PRELID2: variants seen among roughly 807,000 people sequenced by gnomAD.
PRELID2 encodes the protein PRELI domain-containing protein 2.
PRELID2 carries 25 observed loss-of-function variants against 28.4 expected under a neutral mutation model. The observed-to-expected ratio is 0.88, with a 90% CI of 0.64 to 1.23. PRELID2 has a LOEUF of 1.23. Ranked by LOEUF, PRELID2 falls within the 50% of genes most tolerant of loss-of-function variation. PRELID2 has a pLI of 0.00. For missense variants in PRELID2, 201 were observed against 214.4 expected, an observed-to-expected ratio of 0.94 and a Z score of 0.39; for synonymous variants, 76 against 71.6, an observed-to-expected ratio of 1.06 and a Z score of -0.31.
chr5:145,285,401 C>A, the PRELID2 span, among the ~76,000 whole-genome samples: 68 of 152,108 alleles, frequency 4.5e-4, no homozygotes, highest in African/African-American at 1.6e-3. Flanking sequence ...TCCCCCGCTC[C>A]GCCCAGTTTC....
intron 1 of PRELID2, among the ~76,000 whole-genome samples, chr5:145,618,882 G>C (rs1388857570): frequency 6.6e-6 from 1 of 152,134 alleles, no homozygotes. Context: ...ATAGGCATGA[G>C]GTTCCCAGGT....
the PRELID2 span, among the ~76,000 whole-genome samples, chr5:145,461,954 T>C: frequency 6.6e-6 from 1 of 152,156 alleles, no homozygotes; most frequent in Admixed American, 6.6e-5. Flanking sequence ...AAAAATAAAC[T>C]TTGGTATGGA....
At chr5:145,275,359 T>C in the PRELID2 span, among the ~76,000 whole-genome samples, 1 of 152,088 alleles carries the variant, frequency 6.6e-6, no homozygotes, top group South Asian at 2.1e-4. Context: ...TGAGACATAC[T>C]GCAAAGAGGA....
chr5:145,412,330 T>C, the PRELID2 span, among the ~76,000 whole-genome samples: 2 of 152,324 alleles, frequency 1.3e-5, no homozygotes, highest in Non-Finnish European at 2.9e-5. Context: ...AAATCATTTA[T>C]CTCAAGTTCA....
intron 1 of PRELID2, among the ~76,000 whole-genome samples, chr5:145,574,897 A>C (rs1184418607): frequency 1.3e-5 from 2 of 152,208 alleles, no homozygotes; most frequent in Admixed American, 6.5e-5. Context: ...ACAAGGAAAA[A>C]GATGTGTACA....
the PRELID2 span, among the ~76,000 whole-genome samples, chr5:145,392,130 T>C: frequency 6.6e-6 from 1 of 152,168 alleles, no homozygotes; most frequent in African/African-American, 2.4e-5. Context: ...CCACTCTCTG[T>C]GGTACCAATT....
the PRELID2 span, among the ~76,000 whole-genome samples, chr5:145,457,078 G>A: frequency 1.3e-5 from 2 of 152,038 alleles, no homozygotes; most frequent in African/African-American, 2.4e-5. Flanking sequence ...GTGTGCCAGG[G>A]CAAAGCTTTT....
the PRELID2 span, among the ~76,000 whole-genome samples, chr5:145,402,071 A>T: frequency 6.6e-6 from 1 of 152,134 alleles, no homozygotes; most frequent in Non-Finnish European, 1.5e-5. Context: ...ATCACCTTTC[A>T]TCCATAAAAT....
At chr5:145,666,167 G>T (rs1390775507) in intron 1 of PRELID2, among the ~76,000 whole-genome samples, 2 of 151,840 alleles carry the variant, frequency 1.3e-5, no homozygotes, top group Non-Finnish European at 2.9e-5. Context: ...TAAATGGTTG[G>T]TTTCTACTTA....
the PRELID2 span, among the ~76,000 whole-genome samples, chr5:145,259,163 G>T: frequency 6.6e-6 from 1 of 152,210 alleles, no homozygotes. Context: ...AAAAATACTG[G>T]GTGCCCAGGC....
intron 1 of PRELID2, among the ~76,000 whole-genome samples, chr5:145,549,599 C>A (rs1291315172): frequency 6.6e-6 from 1 of 151,756 alleles, no homozygotes; most frequent in East Asian, 1.9e-4. Context: ...TTGAGATCAT[C>A]CTGGCTAACA....
At chr5:145,280,966 G>A in the PRELID2 span, among the ~76,000 whole-genome samples, 2 of 152,074 alleles carry the variant, frequency 1.3e-5, no homozygotes, top group South Asian at 2.1e-4. Context: ...GAATCCTGAG[G>A]TATTTACCTT....
chr5:145,594,676 C>A (rs1698274759), intron 1 of PRELID2, among the ~76,000 whole-genome samples: 2 of 152,084 alleles, frequency 1.3e-5, no homozygotes, highest in Non-Finnish European at 2.9e-5. Flanking sequence ...CATAATTCAT[C>A]AAGTTAAAAC....
At chr5:145,693,543 A>C (rs374992871) in intron 1 of PRELID2, among the ~76,000 whole-genome samples, 209 of 152,228 alleles carry the variant, frequency 1.4e-3, no homozygotes, top group African/African-American at 4.9e-3. Context: ...TCAAAGCTAA[A>C]GGACCACTTG....
chr5:145,445,239 C>T, the PRELID2 span, among the ~76,000 whole-genome samples: 2 of 152,000 alleles, frequency 1.3e-5, no homozygotes, highest in South Asian at 2.1e-4. Flanking sequence ...TATCCACAGC[C>T]AACTGATTTT....
chr5:145,697,418 A>C (rs1755305419), intron 1 of PRELID2, among the ~76,000 whole-genome samples: 1 of 152,030 alleles, frequency 6.6e-6, no homozygotes, highest in African/African-American at 2.4e-5. Context: ...CTGGCTCCAA[A>C]GCCTATGTGT....
intron 1 of PRELID2, among the ~76,000 whole-genome samples, chr5:145,832,137 T>C (rs942157081): frequency 2.0e-5 from 3 of 152,174 alleles, no homozygotes; most frequent in African/African-American, 7.2e-5. Flanking sequence ...GAGAGAAGAC[T>C]GTGAACAAAA....
intron 1 of PRELID2, among the ~76,000 whole-genome samples, chr5:145,487,845 G>T (rs765326053): frequency 2.6e-5 from 4 of 151,762 alleles, no homozygotes; most frequent in African/African-American, 9.7e-5. Context: ...GGAATTGGAG[G>T]CCGGGCGCGT....
the PRELID2 span, among the ~76,000 whole-genome samples, chr5:145,410,594 G>C: frequency 1.3e-3 from 200 of 152,160 alleles, no homozygotes; most frequent in African/African-American, 4.8e-3. Context: ...ATTGAAGGAG[G>C]AGTCCCTTTA....
Sources: allele counts gnomAD v4.1 joint callset (sites outside exome capture counted in the v4.1 genomes callset), GRCh38; gene constraint gnomAD v4.1.1; transcripts MANE v1.5; gene names NCBI Gene and HGNC (gene_info 2026-07-23, HGNC 2026-07-21).